PPP3CA: variants seen among roughly 807,000 people sequenced by gnomAD.
The protein encoded by PPP3CA is protein phosphatase 3 catalytic subunit alpha, also known as CAM-PRP catalytic subunit.
In PPP3CA, 14 loss-of-function variants were observed where a neutral mutation model predicts 66.5. The ratio of observed to expected loss-of-function variants is 0.21; its 90% CI spans 0.14 to 0.33. The LOEUF (loss-of-function observed/expected upper bound fraction) is 0.33. Ranked by LOEUF, PPP3CA falls within the 10% of genes least tolerant of loss-of-function variation. The pLI is 1.00. For missense variants in PPP3CA, 317 were observed against 639.5 expected (o/e 0.50, Z 5.44); for synonymous variants, 232 against 226.2 (o/e 1.03, Z -0.23).
At chr4:101,230,333 A>G (rs1279538510) in intron 1 of PPP3CA, among the ~76,000 whole-genome samples, 1 of 150,732 alleles carries the variant, frequency 6.6e-6, no homozygotes, top group East Asian at 2.0e-4. Context: ...ACTTTATATC[A>G]TTAATTTTTG....
intron 1 of PPP3CA, among the ~76,000 whole-genome samples, chr4:101,343,041 C>T (rs1015516712): frequency 6.6e-6 from 1 of 152,090 alleles, no homozygotes; most frequent in South Asian, 2.1e-4. Context: ...TTCTCTATGG[C>T]CAAAAGCAAC....
At chr4:101,106,147 A>G (rs1406280651) in intron 3 of PPP3CA, among the ~76,000 whole-genome samples, 1 of 151,568 alleles carries the variant, frequency 6.6e-6, no homozygotes, top group Non-Finnish European at 1.5e-5. Context: ...ACTTCGTAAG[A>G]CCCTGTGTCT....
intron 10 of PPP3CA, among the ~76,000 whole-genome samples, chr4:101,048,581 A>C (rs937882887): frequency 1.3e-5 from 2 of 151,496 alleles, no homozygotes; most frequent in African/African-American, 4.8e-5. Flanking sequence ...CAAAAGAGAA[A>C]CACATTCAAG....
chr4:101,067,215 C>G (rs1014323685), intron 8 of PPP3CA, among the ~76,000 whole-genome samples: 1 of 152,110 alleles, frequency 6.6e-6, no homozygotes, highest in Non-Finnish European at 1.5e-5. Flanking sequence ...ACTGCCAGTC[C>G]TTTTTCTGAT....
At chr4:101,120,955 T>C (rs140995218) in intron 2 of PPP3CA, among the ~76,000 whole-genome samples, 1 of 152,204 alleles carries the variant, frequency 6.6e-6, no homozygotes, top group Non-Finnish European at 1.5e-5. Context: ...ACCACAAATA[T>C]CTAAGGAAAC....
At chr4:101,193,116 T>A (rs1469350730) in intron 2 of PPP3CA, among the ~76,000 whole-genome samples, 1 of 152,242 alleles carries the variant, frequency 6.6e-6, no homozygotes, top group African/African-American at 2.4e-5. Context: ...TTTAATGTAC[T>A]TATGCTTGGT....
chr4:101,064,317 C>G (rs1274422665), intron 8 of PPP3CA, among the ~76,000 whole-genome samples: 2 of 151,888 alleles, frequency 1.3e-5, no homozygotes, highest in Non-Finnish European at 2.9e-5. Flanking sequence ...AGTCACTGAT[C>G]ATGGTTTTGC....
At chr4:101,281,340 A>C (rs1727677770) in intron 1 of PPP3CA, among the ~76,000 whole-genome samples, 1 of 152,212 alleles carries the variant, frequency 6.6e-6, no homozygotes, top group South Asian at 2.1e-4. Flanking sequence ...TTATTTCAAG[A>C]CAGTAAAAAC....
intron 1 of PPP3CA, among the ~76,000 whole-genome samples, chr4:101,334,731 C>T (rs1729570308): frequency 2.0e-5 from 3 of 152,072 alleles, no homozygotes; most frequent in Admixed American, 6.5e-5. Flanking sequence ...AATGTGCCTA[C>T]CTAAATGTTT....
intron 12 of PPP3CA, among the ~76,000 whole-genome samples, chr4:101,030,588 TTAAAA>T (rs1352380320): frequency 4.6e-5 from 7 of 152,082 alleles, no homozygotes; most frequent in South Asian, 4.1e-4. Flanking sequence ...ACCAATGGAT[TTAAAA>T]TAAAATAAAA....
intron 12 of PPP3CA, among the ~76,000 whole-genome samples, chr4:101,030,167 A>ATACTT (rs1336880316): frequency 6.6e-6 from 1 of 152,152 alleles, no homozygotes; most frequent in Non-Finnish European, 1.5e-5. Context: ...AGATTAGTTT[A>ATACTT]TACTTCCCTA....
intron 2 of PPP3CA, among the ~76,000 whole-genome samples, chr4:101,166,587 G>A (rs1206626165): frequency 6.6e-6 from 1 of 152,096 alleles, no homozygotes; most frequent in Non-Finnish European, 1.5e-5. Flanking sequence ...GTTTGCAAGT[G>A]GCCCACCCTG....
At chr4:101,296,084 T>C (rs1261197454) in intron 1 of PPP3CA, among the ~76,000 whole-genome samples, 2 of 152,190 alleles carry the variant, frequency 1.3e-5, no homozygotes, top group African/African-American at 4.8e-5. Flanking sequence ...AGAGTCACAT[T>C]GACTGTTTAA....
chr4:101,238,497 T>C (rs1454507050), intron 1 of PPP3CA, among the ~76,000 whole-genome samples: 2 of 151,640 alleles, frequency 1.3e-5, no homozygotes, highest in African/African-American at 4.8e-5. Flanking sequence ...ATTAAAAAAA[T>C]GGAATAGATG....
chr4:101,140,326 G>A (rs1437574497), intron 2 of PPP3CA, among the ~76,000 whole-genome samples: 1 of 152,096 alleles, frequency 6.6e-6, no homozygotes, highest in East Asian at 1.9e-4. Flanking sequence ...CAGCACTAAT[G>A]ACTTAATAAT....
intron 1 of PPP3CA, among the ~76,000 whole-genome samples, chr4:101,231,138 C>T (rs1725947706): frequency 6.6e-6 from 1 of 151,686 alleles, no homozygotes; most frequent in African/African-American, 2.4e-5. Context: ...TCCACTTGCT[C>T]TTTCACAAAT....
intron 8 of PPP3CA, among the ~76,000 whole-genome samples, chr4:101,078,868 A>C (rs935463349): frequency 6.6e-6 from 1 of 152,210 alleles, no homozygotes; most frequent in Non-Finnish European, 1.5e-5. Context: ...GCACGTGGCA[A>C]GCAGAGAACA....
intron 8 of PPP3CA, among the ~76,000 whole-genome samples, chr4:101,071,634 T>C (rs1728923251): frequency 6.6e-6 from 1 of 152,164 alleles, no homozygotes; most frequent in Non-Finnish European, 1.5e-5. Context: ...TTTCAGCTGG[T>C]GGCAGAAGAG....
At chr4:101,153,026 T>C (rs1723193048) in intron 2 of PPP3CA, among the ~76,000 whole-genome samples, 2 of 152,158 alleles carry the variant, frequency 1.3e-5, no homozygotes, top group South Asian at 4.1e-4. Context: ...GTTAGGTATC[T>C]AGTAAATCTA....
Sources: gnomAD v4.1 joint callset for allele counts (sites outside exome capture counted in the v4.1 genomes callset) on GRCh38, gnomAD v4.1.1 for gene constraint, MANE v1.5 for transcripts, NCBI Gene and HGNC (gene_info 2026-07-23, HGNC 2026-07-21) for gene names.